TRMT6: variants seen among roughly 807,000 people sequenced by gnomAD.
TRMT6 encodes the protein tRNA methyltransferase 6 non-catalytic subunit.
Under a neutral mutation model 59.0 loss-of-function variants are expected in TRMT6, and 34 were observed. The observed-to-expected ratio is 0.58, with a 90% CI of 0.44 to 0.77. The LOEUF (loss-of-function observed/expected upper bound fraction) is 0.77, where lower values mean the gene tolerates loss of function less well. TRMT6 is among the 30% of genes least tolerant of loss of function. The probability of loss-of-function intolerance (pLI) is 0.00; values close to 1 mark genes in which losing one functional copy is unlikely to be tolerated. For missense variants in TRMT6, 575 were observed against 604.5 expected, an observed-to-expected ratio of 0.95 and a Z score of 0.51; for synonymous variants, 217 against 210.5, an observed-to-expected ratio of 1.03 and a Z score of -0.27.
intron 2 of TRMT6, among the ~76,000 whole-genome samples, chr20:5,945,188 C>T (rs2088695698): frequency 2.0e-5 from 3 of 152,252 alleles, no homozygotes; most frequent in Admixed American, 2.0e-4. Context: ...TAAAACCATA[C>T]AGTGGCTTCC....
At chr20:5,950,216 G>A (rs2088775537) in intron 1 of TRMT6, 62 bp downstream of exon 1, 1 of 1,486,332 alleles carries the variant, frequency 6.7e-7, no homozygotes, top group Non-Finnish European at 9.1e-7. Context: ...GGAGAAACCT[G>A]GAGGGAGGGG....
rs772562578 is a variant in TRMT6, at chr20:5,942,736, C to T, written c.718G>A (p.Ala240Thr). 1 of 1,614,094 alleles carries T rather than the reference C, an allele frequency of 6.2e-7. No homozygotes were observed. Among genetic ancestry groups the T allele is most frequent in the South Asian group, 1.1e-5 (1 of 91,054 alleles). The change falls in exon 7 of 11, where the codon GCA (alanine) becomes ACA (threonine). Residue 240 changes from alanine (A) to threonine (T), a missense_variant. Transcript: ENST00000203001. The part of the protein sequence containing the change: ...LYPGGGPVRA[A>T]TACFGFPKSF... ...TTGGGAAATCCAAAACATGCTGTTG[C>T]TGCCCGAACAGGTCCTCCTCCAGGG... is the stretch of plus-strand genomic sequence containing the variant.
intron 1 of TRMT6, among the ~76,000 whole-genome samples, chr20:5,949,247 G>A (rs905411316): frequency 6.6e-6 from 1 of 151,350 alleles, no homozygotes; most frequent in Non-Finnish European, 1.5e-5. Context: ...CAGAGTCCCA[G>A]CCACTAGGGA....
chr20:5,946,703 G>A (rs1290792071), intron 1 of TRMT6, among the ~76,000 whole-genome samples, 170 bp from the exon 2 acceptor site: 1 of 152,136 alleles, frequency 6.6e-6, no homozygotes, highest in Non-Finnish European at 1.5e-5. Flanking sequence ...GGATAGAGAC[G>A]TAAAATTAAT....
At chr20:5,944,495 G>C (rs1266733690) in intron 3 of TRMT6, among the ~76,000 whole-genome samples, 3 of 152,190 alleles carry the variant, frequency 2.0e-5, no homozygotes, top group Non-Finnish European at 4.4e-5. Context: ...AAAAGGAGAA[G>C]AGAGGTAAAG....
In TRMT6 at chr20:5,946,409, C is replaced by T; in HGVS notation, c.253G>A (p.Ala85Thr). 1 of 1,614,112 alleles carries T rather than the reference C, an allele frequency of 6.2e-7. No individual in the cohort carries two copies. The highest frequency in any genetic ancestry group is 8.5e-7 in the Non-Finnish European group (1 of 1,180,024). Residue 85 changes from alanine to threonine, a missense_variant, in exon 2 of 11, where the codon GCA becomes ACA. Coordinates refer to ENST00000203001, the MANE Select transcript of TRMT6 (RefSeq NM_015939.5). ...TTCACGCATCCAAAATGTGCACCTG[C>T]AGTAGGCTCTTCCCTCTTCTTCTTG... is the stretch of plus-strand genomic sequence containing the variant. Reference protein sequence around the residue: ...QPKKKREEPTAETKEAGTDNR... With the variant: ...QPKKKREEPTTETKEAGTDNR...
chr20:5,941,020 G>C, intron 10 of TRMT6, 33 bp downstream of exon 10: 1 of 1,539,310 alleles, frequency 6.5e-7, no homozygotes, highest in Non-Finnish European at 9.0e-7. Context: ...TCTCGGGAGG[G>C]CAGCTCTTGG....
chr20:5,944,818 C>A lies in TRMT6; in HGVS notation c.353G>T (p.Gly118Val), dbSNP rs1208740906. 1.9e-6 allele frequency: 3 copies of A among 1,612,226 alleles called. No homozygotes were observed. The highest frequency in any genetic ancestry group is 2.5e-6 in the Non-Finnish European group (3 of 1,178,362). Residue 118 changes from glycine (G) to valine (V), a missense_variant, in exon 3 of 11, where the codon GGC becomes GTC. Transcript: ENST00000203001. The part of the protein sequence containing the change: ...QDDIKALKDK[G>V]IKGEEIVQQL... ...TTTGAATATTACCTCTCCTTTAATG[C>A]CCTTGTCCTTCAAAGCTTTTATGTC...
In TRMT6 at chr20:5,944,976, C is replaced by G. The variant is rs973341896; in HGVS notation, c.257-62G>C. The G allele has an allele frequency of 2.9e-5, 39 of 1,349,250 alleles. No homozygotes were observed. The African/African-American group carries it at 5.2e-4, about 18-fold the overall frequency. The allele number at this position is 1,349,250 out of a possible 1,614,324, so 83.6% of individuals were successfully genotyped here. ...TGAAATTATTTGACACTTTCTTTTT[C>G]TGAGTTCATATCCACATCCAGTCCA... On this transcript the variant is annotated intron_variant, in intron 2 of 10. Transcript: ENST00000203001.
chr20:5,941,509 T>C, intron 8 of TRMT6, 164 bp from the exon 9 acceptor site: 1 of 618,592 alleles, frequency 1.6e-6, no homozygotes, highest in Non-Finnish European at 2.8e-6. Flanking sequence ...AATCATGAGC[T>C]ATTTCTTTCT....
chr20:5,946,554 A>C, intron 1 of TRMT6, 21 bp from the exon 2 acceptor site: 1 of 1,611,016 alleles, frequency 6.2e-7, no homozygotes, highest in Non-Finnish European at 8.5e-7. Context: ...AAAGTAATCA[A>C]TTAACTGAAT....
chr20:5,938,510 A>C lies in TRMT6; in HGVS notation c.*25T>G. The C allele has an allele frequency of 1.9e-6, 3 of 1,598,636 alleles. No individual in the cohort carries two copies. The highest frequency in any genetic ancestry group is 1.7e-6 in the Non-Finnish European group (2 of 1,171,786). ...ACTAACTGTATAATGCCTGAGAACAAAATTCAGAGCAATTCTCAAAAGGGT... is the reference window on the plus strand; with the variant it reads ...ACTAACTGTATAATGCCTGAGAACACAATTCAGAGCAATTCTCAAAAGGGT... On this transcript the variant is annotated 3_prime_UTR_variant, in exon 11 of 11. Transcript: ENST00000203001.
Position 5,941,145 on chromosome 20 carries a change from G to C in TRMT6, c.1216-6C>G. The C allele has an allele frequency of 6.2e-7, 1 of 1,613,716 alleles. No homozygotes were observed. The highest frequency in any genetic ancestry group is 8.5e-7 in the Non-Finnish European group (1 of 1,179,574). The stretch of plus-strand genomic sequence containing the variant: ...GTGTAGCATTCCAACAGAGGCTGCA[G>C]ACAACAACAGAATTCTGTTAAGAAC... On this transcript the variant is annotated splice_polypyrimidine_tract_variant and splice_region_variant and intron_variant, in intron 9 of 10. Coordinates refer to ENST00000203001, the MANE Select transcript of TRMT6 (RefSeq NM_015939.5).
intron 6 of TRMT6, 101 bp from the exon 7 acceptor site, chr20:5,942,887 T>A (rs2088671130): frequency 2.3e-6 from 2 of 887,984 alleles, no homozygotes; most frequent in South Asian, 3.2e-5. Flanking sequence ...GGTCTTTCTA[T>A]TAGTACTTTA....
At chr20:5,940,198 GCAC>G (rs1198384608) in intron 10 of TRMT6, among the ~76,000 whole-genome samples, 2 of 152,120 alleles carry the variant, frequency 1.3e-5, no homozygotes, top group African/African-American at 4.8e-5. Context: ...GCATCAACCT[GCAC>G]CACCAATCTT....
chr20:5,941,522 G>C, intron 8 of TRMT6, 177 bp from the exon 9 acceptor site: 1 of 604,072 alleles, frequency 1.7e-6, no homozygotes. Flanking sequence ...TTCTTTCTAG[G>C]AAACGCGAAC....
At chr20:5,945,135 G>C (rs2088695186) in intron 2 of TRMT6, among the ~76,000 whole-genome samples, 1 of 152,132 alleles carries the variant, frequency 6.6e-6, no homozygotes, top group South Asian at 2.1e-4. Context: ...GGATGCCAGA[G>C]TGCTCTTTGT....
Position 5,944,222 on chromosome 20 carries a change from G to T in TRMT6, c.398C>A (p.Thr133Lys). Residue 133 changes from threonine to lysine, a missense_variant, in exon 4 of 11, where the codon ACA becomes AAA. By Grantham distance (78) the Thr-to-Lys change is moderately conservative (BLOSUM62 -1). Coordinates refer to ENST00000203001, the MANE Select transcript of TRMT6 (RefSeq NM_015939.5). ...EIVQQLIENS[T>K]TFRDKTEFAQ... ...AAATTCTGTCTTGTCTCGGAATGTT[G>T]TACTATTTTCAATTAACTGCTGAAC... is the stretch of plus-strand genomic sequence containing the variant. 6.4e-7 allele frequency: 1 copy of T among 1,569,490 alleles called. No homozygotes were observed. The highest frequency in any genetic ancestry group is 8.6e-7 in the Non-Finnish European group (1 of 1,158,024).
chr20:5,942,909 A>C, intron 6 of TRMT6, 123 bp from the exon 7 acceptor site: 1 of 756,316 alleles, frequency 1.3e-6, no homozygotes, highest in South Asian at 1.7e-5. Context: ...TCAGAGGCTG[A>C]AGGATGGTGC....
Sources: gnomAD v4.1 joint callset for allele counts (sites outside exome capture counted in the v4.1 genomes callset) on GRCh38, gnomAD v4.1.1 for gene constraint, MANE v1.5 for transcripts, NCBI Gene and HGNC (gene_info 2026-07-23, HGNC 2026-07-21) for gene names.